PMS1: variants seen among roughly 807,000 people sequenced by gnomAD.
The protein encoded by PMS1 is PMS1 homolog 1, mismatch repair system component.
A neutral mutation model predicts 93.1 loss-of-function variants in PMS1; 79 were observed. The ratio of observed to expected loss-of-function variants is 0.85; its 90% CI spans 0.71 to 1.02. The LOEUF (loss-of-function observed/expected upper bound fraction) is 1.02. Ranked by LOEUF, PMS1 falls within the 50% of genes least tolerant of loss-of-function variation. The pLI is 0.00. For missense variants in PMS1, 1,064 were observed against 1,085.3 expected, an observed-to-expected ratio of 0.98 and a Z score of 0.28; for synonymous variants, 335 against 363.4, an observed-to-expected ratio of 0.92 and a Z score of 0.89.
intron 3 of PMS1, 69 bp from the exon 4 acceptor site, chr2:189,805,583 C>T: frequency 1.6e-6 from 2 of 1,220,350 alleles, no homozygotes; most frequent in Non-Finnish European, 1.2e-6. Flanking sequence ...ATAATCATTT[C>T]AAATCTTTGA....
At chr2:189,792,077 T>G in intron 2 of PMS1, 136 bp downstream of exon 2, 3 of 712,546 alleles carry the variant, frequency 4.2e-6, no homozygotes, top group Non-Finnish European at 7.1e-6. Context: ...CCCTTTGTCT[T>G]AAGAGTAAAT....
chr2:189,852,571 T>A, intron 6 of PMS1, 84 bp from the exon 7 acceptor site: 1 of 1,221,886 alleles, frequency 8.2e-7, no homozygotes, highest in South Asian at 1.3e-5. Flanking sequence ...TTTTTTAATT[T>A]TTTTATACCT....
intron 4 of PMS1, among the ~76,000 whole-genome samples, chr2:189,817,647 C>T (rs2051439997): frequency 6.6e-6 from 1 of 152,118 alleles, no homozygotes; most frequent in South Asian, 2.1e-4. Flanking sequence ...ATTATATAAA[C>T]TGTAATATTA....
At chr2:189,876,770 CT>C (rs150660131) in intron 12 of PMS1, among the ~76,000 whole-genome samples, 11,652 of 117,846 alleles carry the variant, frequency 0.099, 560 homozygotes, top group African/African-American at 0.25. Context: ...ACCGTGCCCA[CT>C]TTTTTTTTTT....
chr2:189,842,397 G>A (rs1000559983), intron 5 of PMS1, among the ~76,000 whole-genome samples: 1 of 152,120 alleles, frequency 6.6e-6, no homozygotes, highest in African/African-American at 2.4e-5. Context: ...GAATTGCTAA[G>A]TGAATTTGTT....
In PMS1 at chr2:189,854,681, G is replaced by T. The variant is rs2055131657; in HGVS notation, c.1409G>T (p.Gly470Val). 4 of 1,613,812 alleles carry T rather than the reference G, an allele frequency of 2.5e-6. No homozygotes were observed. Among genetic ancestry groups the T allele is most frequent in the Non-Finnish European group, 3.4e-6 (4 of 1,179,810 alleles). Reference protein sequence around the residue: ...SSVKHTQSENGNKDHIDESGE... With the variant: ...SSVKHTQSENVNKDHIDESGE... ...GTTAAGCACACCCAGTCAGAAAATG[G>T]CAATAAAGACCATATAGATGAGAGT... Residue 470 changes from glycine (G) to valine (V), a missense_variant, in exon 9 of 13, where the codon GGC becomes GTC. Physicochemically the swap from Gly to Val is moderately radical, Grantham distance 109. Transcript: ENST00000441310.
intron 11 of PMS1, among the ~76,000 whole-genome samples, chr2:189,868,466 C>T (rs1390028944): frequency 6.6e-6 from 1 of 152,172 alleles, no homozygotes; most frequent in Non-Finnish European, 1.5e-5. Context: ...AAAAGAAAAT[C>T]CATCTGGCTA....
At chr2:189,824,652 T>C (rs1210407155) in intron 5 of PMS1, among the ~76,000 whole-genome samples, 2 of 152,060 alleles carry the variant, frequency 1.3e-5, no homozygotes, top group African/African-American at 4.8e-5. Context: ...GAGAGTATGT[T>C]GAAATGATTA....
At chr2:189,860,794 T>C (rs1419195499) in intron 9 of PMS1, among the ~76,000 whole-genome samples, 1 of 146,144 alleles carries the variant, frequency 6.8e-6, no homozygotes. Flanking sequence ...TCTATATCTT[T>C]GAGGAATTTT....
At chr2:189,787,326 ATAT>A (rs2048443911) in intron 1 of PMS1, among the ~76,000 whole-genome samples, 1 of 152,190 alleles carries the variant, frequency 6.6e-6, no homozygotes. Flanking sequence ...TCCTTCATTA[ATAT>A]TCATGAAGTG....
chr2:189,873,522 G>T lies in PMS1; in HGVS notation c.2500G>T (p.Glu834Ter), dbSNP rs780475445. 9 of 1,595,978 alleles carry T rather than the reference G, an allele frequency of 5.6e-6. No homozygotes were observed. Among genetic ancestry groups the T allele is most frequent in the Non-Finnish European group, 6.9e-6 (8 of 1,163,846 alleles). ...PGVSITENYL[E>*]IEGMANCLPF... The stretch of plus-strand genomic sequence containing the variant: ...AGTTTCAATTACTGAAAATTACTTG[G>T]AAATAGAAGGAATGGCTAATTGTCT... Residue 834 changes from glutamate to a stop codon, truncating the protein, a stop_gained, in exon 12 of 13, where the codon GAA becomes TAA. Coordinates refer to ENST00000441310, the MANE Select transcript of PMS1 (RefSeq NM_000534.5). LOFTEE classifies it high-confidence loss of function.
rs190068144 is a variant in PMS1 at position 189,838,906 on chromosome 2, C to T, written c.583-5058C>T. 4.7e-4 allele frequency among the ~76,000 whole-genome samples: 71 copies of T among 152,252 alleles called. 1 individual carries two copies. Among genetic ancestry groups the T allele is most frequent in the Non-Finnish European group, 9.0e-4 (61 of 68,030 alleles). ...TACACATAGTCCTCAGGTCACCTAT[C>T]GGAATATTTTTTGAATGTGAACTTT... On this transcript the variant is annotated intron_variant, in intron 5 of 12. Coordinates refer to ENST00000441310, the MANE Select transcript of PMS1 (RefSeq NM_000534.5).
At chr2:189,803,703 C>T (rs1053116323) in intron 3 of PMS1, among the ~76,000 whole-genome samples, 2 of 152,174 alleles carry the variant, frequency 1.3e-5, no homozygotes, top group Admixed American at 6.5e-5. Flanking sequence ...TCTCGAAATA[C>T]AATTCCCTTT....
chr2:189,858,768 A>G (rs2055632258), intron 9 of PMS1, among the ~76,000 whole-genome samples: 1 of 152,108 alleles, frequency 6.6e-6, no homozygotes, highest in African/African-American at 2.4e-5. Context: ...AGTAGAAAAT[A>G]ACTTTAAAAT....
chr2:189,796,351 T>C (rs1376265918), intron 3 of PMS1, among the ~76,000 whole-genome samples: 2 of 151,870 alleles, frequency 1.3e-5, no homozygotes, highest in East Asian at 3.9e-4. Flanking sequence ...TAGAGTGAGA[T>C]TCTGTCTCAA....
intron 5 of PMS1, among the ~76,000 whole-genome samples, chr2:189,836,841 A>G (rs2053422590): frequency 6.6e-6 from 1 of 152,340 alleles, no homozygotes; most frequent in East Asian, 1.9e-4. Context: ...CATGTTTCAC[A>G]GCTTTTTCTA....
chr2:189,852,425 A>G (rs1340314692), intron 6 of PMS1, among the ~76,000 whole-genome samples: 5 of 152,160 alleles, frequency 3.3e-5, no homozygotes, highest in African/African-American at 4.8e-5. Context: ...ATAAATGCCA[A>G]TTTTTCCTTA....
At chr2:189,817,867 A>G (rs989547730) in intron 4 of PMS1, 150 bp from the exon 5 acceptor site, 5 of 646,580 alleles carry the variant, frequency 7.7e-6, no homozygotes, top group African/African-American at 1.8e-5. Context: ...ATGGAATCAG[A>G]GTAGTTTGCA....
At chr2:189,844,127 C>T in intron 6 of PMS1, 47 bp downstream of exon 6, 1 of 1,609,520 alleles carries the variant, frequency 6.2e-7, no homozygotes, top group Non-Finnish European at 8.5e-7. Flanking sequence ...ACTCATGAAG[C>T]TGTTCACATA....
Sources: allele counts gnomAD v4.1 joint callset (sites outside exome capture counted in the v4.1 genomes callset), GRCh38; gene constraint gnomAD v4.1.1; transcripts MANE v1.5; gene names NCBI Gene and HGNC (gene_info 2026-07-23, HGNC 2026-07-21).